The following KMT2B variants were observed in gnomAD, a reference collection of about 807,000 sequenced individuals.
KMT2B encodes histone-lysine N-methyltransferase 2B.
KMT2B carries 22 observed loss-of-function variants against 255.3 expected under a neutral mutation model. The ratio of observed to expected loss-of-function variants is 0.09; its 90% confidence interval spans 0.06 to 0.12. The LOEUF (loss-of-function observed/expected upper bound fraction) is 0.12. KMT2B is among the 10% of genes least tolerant of loss of function. KMT2B has a pLI of 1.00. For synonymous variants in KMT2B, 1,730 were observed against 1,498.1 expected, an observed-to-expected ratio of 1.15 and a Z score of -3.57; for missense variants, 3,149 against 3,737.0, an observed-to-expected ratio of 0.84 and a Z score of 4.10.
intron 30 of KMT2B, 178 bp from the exon 31 acceptor site, chr19:35,736,512 A>C: frequency 1.4e-6 from 1 of 699,238 alleles, no homozygotes; most frequent in African/African-American, 1.8e-5. Context: ...TAGGGGAAGA[A>C]ATGTCCATTC....
In KMT2B at chr19:35,737,629, C is replaced by T. The variant is rs1272382920; in HGVS notation, c.7551-7C>T. 2 of 1,547,534 alleles carry T rather than the reference C, an allele frequency of 1.3e-6. No individual in the cohort carries two copies. Among genetic ancestry groups the T allele is most frequent in the African/African-American group, 1.4e-5 (1 of 73,110 alleles). Reference sequence around the variant, plus strand: ...TATATTCCTCCTTCCCCTGCTGCCACCTGCAGGAAGTGCACCTTTGACATG... The same window carrying T: ...TATATTCCTCCTTCCCCTGCTGCCATCTGCAGGAAGTGCACCTTTGACATG... On this transcript the variant is annotated splice_polypyrimidine_tract_variant and splice_region_variant and intron_variant, in intron 33 of 36. Transcript: ENST00000420124. This position sits in a 1 kb window ranked among gnomAD's most constrained non-coding sequence, Gnocchi z 5.3.
In KMT2B at chr19:35,732,427, C is replaced by T. The variant is rs1303657707; in HGVS notation, c.5878C>T (p.Pro1960Ser). 1 of 1,613,652 alleles carries T rather than the reference C, an allele frequency of 6.2e-7. No individual in the cohort carries two copies. Among genetic ancestry groups the T allele is most frequent in the East Asian group, 2.2e-5 (1 of 44,880 alleles). The stretch of plus-strand genomic sequence containing the variant: ...CACACCTACCTCAGGGGAGCTGGCT[C>T]CCCCTGGCCCGGCCCCATCTCCACC... ...ALTPTSGELA[P>S]PGPAPSPPPP... The change falls in exon 28 of 37, where the codon CCC (proline) becomes TCC (serine). Residue 1960 changes from proline to serine, a missense_variant. Physicochemically the swap from Pro to Ser is moderately conservative, Grantham distance 74. Coordinates refer to ENST00000420124, the MANE Select transcript of KMT2B (RefSeq NM_014727.3).
At position 35,723,486 on chromosome 19, in the gene KMT2B, A is replaced by G. The variant is rs1969300509; in HGVS notation, c.3042A>G (p.Glu1014=). 2 of 1,571,672 alleles carry G rather than the reference A, an allele frequency of 1.3e-6. No individual in the cohort carries two copies. Among genetic ancestry groups the G allele is most frequent in the Non-Finnish European group, 1.7e-6 (2 of 1,159,308 alleles). ...KCDKIEARKM[E]RLAKKGRTIV... Reference sequence around the variant, plus strand: ...ACAAAATAGAGGCTCGGAAGATGGAACGACTGGCTAAAAAAGGTGACGAGC... The same window carrying G: ...ACAAAATAGAGGCTCGGAAGATGGAGCGACTGGCTAAAAAAGGTGACGAGC... The change falls in exon 7 of 37, where the codon GAA becomes GAG. Residue 1014 remains glutamate (E), a synonymous_variant. Coordinates refer to ENST00000420124, the MANE Select transcript of KMT2B (RefSeq NM_014727.3). This position sits in a 1 kb window ranked among gnomAD's most constrained non-coding sequence, Gnocchi z 7.5.
In KMT2B at chr19:35,721,611, C is replaced by T. The variant is rs1969213549; in HGVS notation, c.2264C>T (p.Pro755Leu). ...QTQLLPQALP[P>L]PQPQLQPPPS... ...CAGCTCCTGCCCCAGGCACTACCGC[C>T]ACCACAGCCACAGCTGCAGCCACCG... The change falls in exon 3 of 37, where the codon CCA (proline) becomes CTA (leucine). Residue 755 changes from proline (P) to leucine (L), a missense_variant. Transcript: ENST00000420124. 6.2e-7 allele frequency: 1 copy of T among 1,608,928 alleles called. No individual in the cohort carries two copies. Among genetic ancestry groups the T allele is most frequent in the Non-Finnish European group, 8.5e-7 (1 of 1,176,474 alleles).
In KMT2B at chr19:35,737,955, G is replaced by T; in HGVS notation, c.7742+13G>T. On this transcript the variant is annotated intron_variant, in intron 35 of 36. Coordinates refer to ENST00000420124, the MANE Select transcript of KMT2B (RefSeq NM_014727.3). This position sits in a 1 kb window ranked among gnomAD's most constrained non-coding sequence, Gnocchi z 5.3. Reference sequence around the variant, plus strand: ...TGGGTGTCTACAGGTGAGTGGGGTTGGGGGGGAGGATGCCCCTTGGGTGGA... The same window carrying T: ...TGGGTGTCTACAGGTGAGTGGGGTTTGGGGGGAGGATGCCCCTTGGGTGGA... 3 of 1,602,054 alleles carry T rather than the reference G, an allele frequency of 1.9e-6. No individual in the cohort carries two copies. Among genetic ancestry groups the T allele is most frequent in the Non-Finnish European group, 2.6e-6 (3 of 1,173,740 alleles).
At chr19:35,726,472 A>C (rs920456363) in intron 14 of KMT2B, 119 bp downstream of exon 14, 3 of 706,668 alleles carry the variant, frequency 4.2e-6, no homozygotes, top group Admixed American at 4.2e-5. Flanking sequence ...CTATGGGACT[A>C]TCTCTTCAAC....
chr19:35,718,180 G>C lies in KMT2B; in HGVS notation c.162G>C (p.Thr54=). 1.8e-6 allele frequency: 2 copies of C among 1,111,780 alleles called. No homozygotes were observed. The highest frequency in any genetic ancestry group is 2.2e-6 in the Non-Finnish European group (2 of 911,754). The allele number at this position is 1,111,780 out of a possible 1,614,324, so 68.9% of individuals were successfully genotyped here. ...RVALRRGGGA[T]GPGGAEPGED... ...CTCTGCGGCGCGGCGGTGGCGCGACGGGGCCGGGCGGAGCCGAGCCCGGGG... is the reference window on the plus strand; with the variant it reads ...CTCTGCGGCGCGGCGGTGGCGCGACCGGGCCGGGCGGAGCCGAGCCCGGGG... The change falls in exon 1 of 37, where the codon ACG becomes ACC. Residue 54 remains threonine, a synonymous_variant. Transcript: ENST00000420124. This position sits in a 1 kb window ranked among gnomAD's most constrained non-coding sequence, Gnocchi z 5.0.
chr19:35,718,782 G>A lies in KMT2B; in HGVS notation c.363+401G>A, dbSNP rs1969062580. The stretch of plus-strand genomic sequence containing the variant: ...GCTCTTACCTGTGGGCCGCCCCGCC[G>A]GGCCTCGCAACCTCCTGGTTTCTCC... On this transcript the variant is annotated intron_variant, in intron 1 of 36. Coordinates refer to ENST00000420124, the MANE Select transcript of KMT2B (RefSeq NM_014727.3). The surrounding 1 kb of genome is among the most constrained non-coding windows in gnomAD (Gnocchi z 5.0). Among the ~76,000 whole-genome samples the A allele has an allele frequency of 6.6e-6, 1 of 152,182 alleles. No homozygotes were observed. Among genetic ancestry groups the A allele is most frequent in the African/African-American group, 2.4e-5 (1 of 41,430 alleles).
Position 35,718,699 on chromosome 19 carries a change from A to G in KMT2B, c.363+318A>G, listed in dbSNP as rs531589072. Among the ~76,000 whole-genome samples, 2 of 152,192 alleles carry G rather than the reference A, an allele frequency of 1.3e-5. No homozygotes were observed. Among genetic ancestry groups the G allele is most frequent in the African/African-American group, 2.4e-5 (1 of 41,462 alleles). On this transcript the variant is annotated intron_variant, in intron 1 of 36. Transcript: ENST00000420124. This position sits in a 1 kb window ranked among gnomAD's most constrained non-coding sequence, Gnocchi z 5.0. The stretch of plus-strand genomic sequence containing the variant: ...AGGAGGCAGTGGGGACTGCATGTCC[A>G]GCCAGTCGTGGTTGACAGCGGCAGC...
rs1969958821 is a variant in KMT2B at position 35,737,377 on chromosome 19, C to T, written c.7550+114C>T. 4.4e-6 allele frequency: 5 copies of T among 1,139,540 alleles called. No homozygotes were observed. The highest frequency in any genetic ancestry group is 3.1e-5 in the African/African-American group (2 of 63,876). 70.6% of individuals were successfully genotyped at this position (1,139,540 alleles called of 1,614,324 possible). ...GGCCTGGGGAGGAGACACTAGGTCA[C>T]TTGAAGAGTTATTTCTAGAGTTAGC... On this transcript the variant is annotated intron_variant, in intron 33 of 36. Coordinates refer to ENST00000420124, the MANE Select transcript of KMT2B (RefSeq NM_014727.3). This position sits in a 1 kb window ranked among gnomAD's most constrained non-coding sequence, Gnocchi z 5.3.
chr19:35,737,991 C>T lies in KMT2B; in HGVS notation c.7742+49C>T, dbSNP rs774297340. Reference sequence around the variant, plus strand: ...TGCCCCTTGGGTGGACGGACAGGTGCACTGGGTAGGGGGTACTGTCTGGTT... The same window carrying T: ...TGCCCCTTGGGTGGACGGACAGGTGTACTGGGTAGGGGGTACTGTCTGGTT... On this transcript the variant is annotated intron_variant, in intron 35 of 36. Transcript: ENST00000420124. The surrounding 1 kb of genome is among the most constrained non-coding windows in gnomAD (Gnocchi z 5.3). 4 of 1,610,510 alleles carry T rather than the reference C, an allele frequency of 2.5e-6. No individual in the cohort carries two copies. In the Admixed American group the frequency reaches 6.7e-5, roughly 27 times the overall value.
At position 35,724,658 on chromosome 19, in the gene KMT2B, A is replaced by G; in HGVS notation, c.3356A>G (p.Glu1119Gly). 1 of 1,600,438 alleles carries G rather than the reference A, an allele frequency of 6.2e-7. No individual in the cohort carries two copies. Among genetic ancestry groups the G allele is most frequent in the Non-Finnish European group, 8.5e-7 (1 of 1,173,936 alleles). ...RENELPLPEPEEQSRPRKPTL... is the reference protein window; with the variant it reads ...RENELPLPEPGEQSRPRKPTL... ...CTAGAGCTGCCACTGCCAGAACCTG[A>G]GGAGCAGAGCCGGCCCCGCAAACCT... The change falls in exon 9 of 37, where the codon GAG becomes GGG. Residue 1119 changes from glutamate to glycine, a missense_variant. Physicochemically the swap from Glu to Gly is moderately conservative, Grantham distance 98. Coordinates refer to ENST00000420124, the MANE Select transcript of KMT2B (RefSeq NM_014727.3).
chr19:35,729,422 G>C (rs1969603228), intron 22 of KMT2B, 126 bp downstream of exon 22: 2 of 1,318,726 alleles, frequency 1.5e-6, no homozygotes, highest in African/African-American at 2.9e-5. Context: ...AGGTCTCTTG[G>C]TTGCCCTGGG....
Position 35,719,560 on chromosome 19 carries a change from C to T in KMT2B, c.436+19C>T. On this transcript the variant is annotated intron_variant, in intron 2 of 36. Coordinates refer to ENST00000420124, the MANE Select transcript of KMT2B (RefSeq NM_014727.3). ...CAGCGAGGTGAGTGACGGGGGAACT[C>T]CACCTCTTTAGCGTCACAGGAATTT... 6.3e-7 allele frequency: 1 copy of T among 1,577,892 alleles called. No individual in the cohort carries two copies. Among genetic ancestry groups the T allele is most frequent in the Non-Finnish European group, 8.6e-7 (1 of 1,160,128 alleles).
rs755391068 is a variant in KMT2B at position 35,733,026 on chromosome 19, C to T, written c.6477C>T (p.Pro2159=). 2 of 1,592,518 alleles carry T rather than the reference C, an allele frequency of 1.3e-6. No individual in the cohort carries two copies. Among genetic ancestry groups the T allele is most frequent in the East Asian group, 2.3e-5 (1 of 43,840 alleles). ...SQGLTASPAD[P]TRTFAWLPGA... ...GCCTGACCGCCAGCCCAGCTGACCCCACCCGCACATTTGCCTGGCTCCCAG... is the reference window on the plus strand; with the variant it reads ...GCCTGACCGCCAGCCCAGCTGACCCTACCCGCACATTTGCCTGGCTCCCAG... Residue 2159 remains proline, a synonymous_variant, in exon 28 of 37, where the codon CCC becomes CCT. Transcript: ENST00000420124. This position sits in a 1 kb window ranked among gnomAD's most constrained non-coding sequence, Gnocchi z 4.3.
At position 35,732,995 on chromosome 19, in the gene KMT2B, C is replaced by T; in HGVS notation, c.6446C>T (p.Ser2149Phe). 1.3e-6 allele frequency: 2 copies of T among 1,599,702 alleles called. No individual in the cohort carries two copies. Among genetic ancestry groups the T allele is most frequent in the Non-Finnish European group, 1.7e-6 (2 of 1,173,942 alleles). Residue 2149 changes from serine to phenylalanine, a missense_variant, in exon 28 of 37, where the codon TCC becomes TTC. By Grantham distance (155) the Ser-to-Phe change is radical. This residue lies in a region of KMT2B where 897 missense variants were observed against 825.3 expected (regional missense o/e 1.09). Transcript: ENST00000420124. ...APPLANGSQP[S>F]QGLTASPADP... Reference sequence around the variant, plus strand: ...CCCCTGGCTAATGGCAGCCAGCCCTCCCAAGGCCTGACCGCCAGCCCAGCT... The same window carrying T: ...CCCCTGGCTAATGGCAGCCAGCCCTTCCAAGGCCTGACCGCCAGCCCAGCT...
In KMT2B at chr19:35,733,667, G is replaced by C; in HGVS notation, c.7030G>C (p.Ala2344Pro). Reference sequence around the variant, plus strand: ...TGACCTGGATCGGCCTGGGGAGCCCGCTGGGGAAGAAAGTCCTGGGTGAGT... The same window carrying C: ...TGACCTGGATCGGCCTGGGGAGCCCCCTGGGGAAGAAAGTCCTGGGTGAGT... ...VLDLDRPGEP[A>P]GEESPGPLQE... is the part of the protein sequence containing the mutation. The change falls in exon 29 of 37, where the codon GCT (alanine) becomes CCT (proline). Residue 2344 changes from alanine (A) to proline (P), a missense_variant. This residue lies in a region of KMT2B where 897 missense variants were observed against 825.3 expected (regional missense o/e 1.09). Transcript: ENST00000420124. This position sits in a 1 kb window ranked among gnomAD's most constrained non-coding sequence, Gnocchi z 4.3. 1 of 1,600,834 alleles carries C rather than the reference G, an allele frequency of 6.2e-7. No homozygotes were observed. Among genetic ancestry groups the C allele is most frequent in the Admixed American group, 1.7e-5 (1 of 57,734 alleles).
Position 35,729,587 on chromosome 19 carries a change from C to T in KMT2B, c.4917+291C>T, listed in dbSNP as rs58103380. ...TGGCGTTGAGCTCTCACTACATCCC[C>T]GTGAGGTTAGAATTCCCCCACTCCT... is the stretch of plus-strand genomic sequence containing the variant. On this transcript the variant is annotated intron_variant, in intron 22 of 36. Coordinates refer to ENST00000420124, the MANE Select transcript of KMT2B (RefSeq NM_014727.3). Among the ~76,000 whole-genome samples the T allele has an allele frequency of 0.067, 10,253 of 152,152 alleles. 465 individuals carry two copies. Among genetic ancestry groups the T allele is most frequent in the African/African-American group, 0.13 (5,507 of 41,488 alleles).
In KMT2B at chr19:35,727,134, T is replaced by G. The variant is rs1969486786; in HGVS notation, c.4004-22T>G. Reference sequence around the variant, plus strand: ...GAGTGGGAACTCCAGCACCTCTGACTCCTTCTCTTCCCTTTCTCTAGGAAA... The same window carrying G: ...GAGTGGGAACTCCAGCACCTCTGACGCCTTCTCTTCCCTTTCTCTAGGAAA... On this transcript the variant is annotated intron_variant, in intron 14 of 36. Coordinates refer to ENST00000420124, the MANE Select transcript of KMT2B (RefSeq NM_014727.3). The surrounding 1 kb of genome is among the most constrained non-coding windows in gnomAD (Gnocchi z 4.2). The G allele has an allele frequency of 7.0e-6, 11 of 1,565,152 alleles. No homozygotes were observed. The highest frequency in any genetic ancestry group is 9.6e-6 in the Non-Finnish European group (11 of 1,143,576).
Sources: allele counts gnomAD v4.1 joint callset (sites outside exome capture counted in the v4.1 genomes callset), GRCh38; gene constraint gnomAD v4.1.1; regional missense constraint gnomAD v4.1.1; non-coding constraint Gnocchi (gnomAD v3.1); transcripts MANE v1.5; gene names NCBI Gene and HGNC (gene_info 2026-07-23, HGNC 2026-07-21).